RFX2: variants seen among roughly 807,000 people sequenced by gnomAD.
The protein encoded by RFX2 is DNA-binding protein RFX2.
RFX2 carries 20 observed loss-of-function variants against 87.8 expected under a neutral mutation model. The observed-to-expected ratio is 0.23, with a 90% confidence interval of 0.16 to 0.33. The LOEUF (loss-of-function observed/expected upper bound fraction) is 0.33. Ranked by LOEUF, RFX2 falls within the 10% of genes least tolerant of loss-of-function variation. The pLI is 1.00. For synonymous variants in RFX2, 397 were observed against 431.3 expected, an observed-to-expected ratio of 0.92 and a Z score of 0.98; for missense variants, 767 against 1,012.3, an observed-to-expected ratio of 0.76 and a Z score of 3.29.
chr19:6,010,312 AG>A lies in RFX2; in HGVS notation c.900-62del. The A allele has an allele frequency of 8.9e-7, 1 of 1,122,044 alleles. No homozygotes were observed. The highest frequency in any genetic ancestry group is 1.3e-6 in the Non-Finnish European group (1 of 766,412). The allele number at this position is 1,122,044 out of a possible 1,614,324, so 69.5% of individuals were successfully genotyped here. ...GCAGCCCTGCTGCGGGTGGGCCCAA[AG>A]ACTGGGGGGCTGGGCAGGATTCAGT... On this transcript the variant is annotated intron_variant, in intron 8 of 17. Transcript: ENST00000303657. The surrounding 1 kb of genome is among the most constrained non-coding windows in gnomAD (Gnocchi z 5.0).
chr19:6,033,052 A>C (rs1268785218), intron 5 of RFX2, among the ~76,000 whole-genome samples: 1 of 152,180 alleles, frequency 6.6e-6, no homozygotes. Flanking sequence ...CACCTCCCAA[A>C]GTGCTGGGAT....
At position 6,002,742 on chromosome 19, in the gene RFX2, G is replaced by A. The variant is rs147798960; in HGVS notation, c.1629C>T (p.Arg543=). Residue 543 remains arginine, a synonymous_variant, in exon 14 of 18, where the codon CGC becomes CGT. Coordinates refer to ENST00000303657, the MANE Select transcript of RFX2 (RefSeq NM_000635.4). The surrounding 1 kb of genome is among the most constrained non-coding windows in gnomAD (Gnocchi z 6.7). ...QINQMLSDLN[R]VDFANVQEQA... Reference sequence around the variant, plus strand: ...TCACCTGCACGTTGGCAAAGTCCACGCGGTTGAGGTCGCTGAGCATCTGGT... The same window carrying A: ...TCACCTGCACGTTGGCAAAGTCCACACGGTTGAGGTCGCTGAGCATCTGGT... 223 of 1,613,776 alleles carry A rather than the reference G, an allele frequency of 1.4e-4. No homozygotes were observed. The highest frequency in any genetic ancestry group is 1.7e-4 in the Non-Finnish European group (199 of 1,179,970).
rs2086727691 is a variant in RFX2 at position 6,016,483 on chromosome 19, T to C, written c.598-212A>G. Among the ~76,000 whole-genome samples the C allele has an allele frequency of 6.6e-6, 1 of 152,178 alleles. No homozygotes were observed. The highest frequency in any genetic ancestry group is 2.4e-5 in the African/African-American group (1 of 41,446). ...TCGGCTCACTGCAGCCTCTGTCTCC[T>C]GGGTTCAAGCAATTTTCCTCCCTCA... On this transcript the variant is annotated intron_variant, in intron 6 of 17. Transcript: ENST00000303657. The surrounding 1 kb of genome is among the most constrained non-coding windows in gnomAD (Gnocchi z 5.4).
chr19:6,015,683 T>A (rs1398182075), intron 7 of RFX2, among the ~76,000 whole-genome samples: 2 of 152,022 alleles, frequency 1.3e-5, no homozygotes, highest in East Asian at 3.9e-4. Context: ...AATTTTTTTG[T>A]AGAGATGAGG....
In RFX2 at chr19:6,012,934, C is replaced by T; in HGVS notation, c.899+52G>A. On this transcript the variant is annotated intron_variant, in intron 8 of 17. Transcript: ENST00000303657. This position sits in a 1 kb window ranked among gnomAD's most constrained non-coding sequence, Gnocchi z 4.6. ...GTTTCGTGTTGGAGAAACACCCACC[C>T]CTCCATGCTCCAGGGGAGAGCCAGC... 7.0e-7 allele frequency: 1 copy of T among 1,418,706 alleles called. No individual in the cohort carries two copies. Among genetic ancestry groups the T allele is most frequent in the Non-Finnish European group, 9.2e-7 (1 of 1,083,268 alleles). The allele number at this position is 1,418,706 out of a possible 1,614,324, so 87.9% of individuals were successfully genotyped here. A position where few individuals can be genotyped will look rare whatever the true frequency, so the allele number is the denominator to read the frequency against.
At chr19:6,108,546 A>C (rs1041900770) in intron 1 of RFX2, among the ~76,000 whole-genome samples, 1 of 152,208 alleles carries the variant, frequency 6.6e-6, no homozygotes, top group African/African-American at 2.4e-5. Flanking sequence ...CTTAGTTGAA[A>C]CAGAGAATGA....
intron 1 of RFX2, among the ~76,000 whole-genome samples, chr19:6,107,644 A>AAAAAAAAAAAAC (rs2088239559): frequency 2.0e-5 from 3 of 148,478 alleles, no homozygotes; most frequent in Non-Finnish European, 3.0e-5. Context: ...AAAAAAAAAA[A>AAAAAAAAAAAAC]TCCACAGGTG....
Position 5,993,881 on chromosome 19 carries a change from T to G in RFX2, c.*954A>C, listed in dbSNP as rs1014607239. ...GAGGGAGGTGTTCTGGAAGACTCCG[T>G]GGAGCGGGACGCAGGCACTGCTGTT... On this transcript the variant is annotated 3_prime_UTR_variant, in exon 18 of 18. Coordinates refer to ENST00000303657, the MANE Select transcript of RFX2 (RefSeq NM_000635.4). 9 of 152,224 alleles carry G rather than the reference T, an allele frequency of 5.9e-5. No individual in the cohort carries two copies. The highest frequency in any genetic ancestry group is 2.2e-4 in the African/African-American group (9 of 41,446). The allele number at this position is 152,224 out of a possible 1,614,324, so 9.4% of individuals were successfully genotyped here.
At chr19:6,014,758 C>G (rs1477845995) in intron 7 of RFX2, among the ~76,000 whole-genome samples, 1 of 152,166 alleles carries the variant, frequency 6.6e-6, no homozygotes, top group African/African-American at 2.4e-5. Flanking sequence ...CGCTTCTGTC[C>G]CTCCTCTACG....
At position 5,998,751 on chromosome 19, in the gene RFX2, C is replaced by T. The variant is rs187194462; in HGVS notation, c.1860-1538G>A. ...CAAAGTATTTCCAGAACATCGCCTG[C>T]GGTCACCCCGGTATCTCTGGGTTCC... is the stretch of plus-strand genomic sequence containing the variant. On this transcript the variant is annotated intron_variant, in intron 15 of 17. Transcript: ENST00000303657. The surrounding 1 kb of genome is among the most constrained non-coding windows in gnomAD (Gnocchi z 4.2). 1.1e-3 allele frequency among the ~76,000 whole-genome samples: 160 copies of T among 152,296 alleles called. No individual in the cohort carries two copies. Among genetic ancestry groups the T allele is most frequent in the African/African-American group, 3.7e-3 (152 of 41,544 alleles).
rs1344012410 is a variant in RFX2, at chr19:6,022,723, C to T, written c.597+3440G>A. On this transcript the variant is annotated intron_variant, in intron 6 of 17. Coordinates refer to ENST00000303657, the MANE Select transcript of RFX2 (RefSeq NM_000635.4). This position sits in a 1 kb window ranked among gnomAD's most constrained non-coding sequence, Gnocchi z 6.2. ...TTTGGACACTGCTAGGGGGCCTCCT[C>T]CTCCCTGGGAGTTTCCACGCCAGGC... 1.3e-5 allele frequency among the ~76,000 whole-genome samples: 2 copies of T among 152,236 alleles called. No individual in the cohort carries two copies. Among genetic ancestry groups the T allele is most frequent in the Admixed American group, 1.3e-4 (2 of 15,290 alleles).
Position 6,021,844 on chromosome 19 carries a change from G to A in RFX2, c.597+4319C>T, listed in dbSNP as rs1755407066. Among the ~76,000 whole-genome samples, 1 of 152,224 alleles carries A rather than the reference G, an allele frequency of 6.6e-6. No individual in the cohort carries two copies. The highest frequency in any genetic ancestry group is 2.1e-4 in the South Asian group (1 of 4,832). On this transcript the variant is annotated intron_variant, in intron 6 of 17. Transcript: ENST00000303657. This position sits in a 1 kb window ranked among gnomAD's most constrained non-coding sequence, Gnocchi z 5.7. Reference sequence around the variant, plus strand: ...TGGGTTTTAGCAGGATCACTCTGGTGGCTGCTGTGAGAAGGGGCTGGAGGC... The same window carrying A: ...TGGGTTTTAGCAGGATCACTCTGGTAGCTGCTGTGAGAAGGGGCTGGAGGC...
At chr19:6,075,268 A>AAGGGGGAGGAGGAGG (rs2087675121) in intron 1 of RFX2, among the ~76,000 whole-genome samples, 1 of 148,998 alleles carries the variant, frequency 6.7e-6, no homozygotes, top group African/African-American at 2.6e-5. Flanking sequence ...AGAGGAGGAG[A>AAGGGGGAGGAGGAGG]AGGTGGAGGA....
intron 2 of RFX2, among the ~76,000 whole-genome samples, chr19:6,046,365 G>C (rs2087189293): frequency 6.6e-6 from 1 of 152,082 alleles, no homozygotes; most frequent in South Asian, 2.1e-4. Flanking sequence ...CAGATCACCT[G>C]AGGTCAGGAG....
chr19:6,000,870 C>T (rs1454846491), intron 15 of RFX2, among the ~76,000 whole-genome samples: 1 of 152,274 alleles, frequency 6.6e-6, no homozygotes, highest in East Asian at 1.9e-4. Context: ...CACGTGGGGC[C>T]TGTCAGCCAC....
intron 1 of RFX2, among the ~76,000 whole-genome samples, chr19:6,062,321 G>T (rs1394789920): frequency 6.6e-6 from 1 of 152,182 alleles, no homozygotes; most frequent in Non-Finnish European, 1.5e-5. Context: ...CGTGGGGGCT[G>T]ACTGACTCTG....
chr19:6,100,419 G>A (rs997701033), intron 1 of RFX2, among the ~76,000 whole-genome samples: 9 of 152,210 alleles, frequency 5.9e-5, no homozygotes, highest in African/African-American at 9.7e-5. Context: ...ATCCAGAGAC[G>A]ACAGAGCCCA....
At position 6,050,420 on chromosome 19, in the gene RFX2, C is replaced by T. The variant is rs1017689127; in HGVS notation, c.-8-2916G>A. Reference sequence around the variant, plus strand: ...TAACCCAGATGATACAGATAGCATTCAAGGACTAAAGCAGCTACTAAAAAT... The same window carrying T: ...TAACCCAGATGATACAGATAGCATTTAAGGACTAAAGCAGCTACTAAAAAT... On this transcript the variant is annotated intron_variant, in intron 1 of 17. Coordinates refer to ENST00000303657, the MANE Select transcript of RFX2 (RefSeq NM_000635.4). The surrounding 1 kb of genome is among the most constrained non-coding windows in gnomAD (Gnocchi z 4.6). Among the ~76,000 whole-genome samples, 3 of 152,154 alleles carry T rather than the reference C, an allele frequency of 2.0e-5. No individual in the cohort carries two copies. In the East Asian group the frequency reaches 5.8e-4, roughly 29 times the overall value.
At chr19:6,073,781 T>C (rs1433511162) in intron 1 of RFX2, among the ~76,000 whole-genome samples, 2 of 152,120 alleles carry the variant, frequency 1.3e-5, no homozygotes, top group Non-Finnish European at 2.9e-5. Context: ...ATGGTTAAGA[T>C]GAGGTTGAAT....
Sources: allele counts gnomAD v4.1 joint callset (sites outside exome capture counted in the v4.1 genomes callset), GRCh38; gene constraint gnomAD v4.1.1; non-coding constraint Gnocchi (gnomAD v3.1); transcripts MANE v1.5; gene names NCBI Gene and HGNC (gene_info 2026-07-23, HGNC 2026-07-21).